Variants in GADL1 observed in about 807,000 individuals in gnomAD.
GADL1 encodes acidic amino acid decarboxylase GADL1.
GADL1 carries 71 observed loss-of-function variants against 69.5 expected under a neutral mutation model. The observed-to-expected ratio is 1.02, with a 90% CI of 0.84 to 1.25. The LOEUF is 1.25. GADL1 is among the 50% of genes most tolerant of loss of function. The probability of loss-of-function intolerance (pLI) is 0.00; values close to 1 mark genes in which losing one functional copy is unlikely to be tolerated. For synonymous variants in GADL1, 254 were observed against 214.4 expected, an observed-to-expected ratio of 1.18 and a Z score of -1.62; for missense variants, 737 against 631.8, an observed-to-expected ratio of 1.17 and a Z score of -1.79.
At chr3:30,828,488 T>A (rs202177703) in intron 11 of GADL1, among the ~76,000 whole-genome samples, 1 of 86,950 alleles carries the variant, frequency 1.2e-5, no homozygotes, top group Non-Finnish European at 2.6e-5. Context: ...GTGGGGGGGG[T>A]GCGGGGGAGG....
chr3:30,857,218 A>C, intron 2 of GADL1, 77 bp from the exon 3 acceptor site: 1 of 1,257,090 alleles, frequency 8.0e-7, no homozygotes, highest in Non-Finnish European at 1.1e-6. Context: ...CGTGGACTCT[A>C]CCATTACAAA....
rs1230994263 is a variant in GADL1, at chr3:30,869,996, C to T, written c.38-8231G>A. 4.6e-5 allele frequency among the ~76,000 whole-genome samples: 7 copies of T among 151,896 alleles called. No homozygotes were observed. In the South Asian group the frequency reaches 1.2e-3, roughly 27 times the overall value. On this transcript the variant is annotated intron_variant, in intron 1 of 14. Transcript: ENST00000282538. ...TTCTCAATGTGAGAAGCAGGAAGTC[C>T]TTCTGGATGAGGTGGCATTTGAGAC...
chr3:30,869,510 C>A, intron 1 of GADL1, among the ~76,000 whole-genome samples: 1 of 151,776 alleles, frequency 6.6e-6, no homozygotes, highest in East Asian at 1.9e-4. Flanking sequence ...TTGATAGAAT[C>A]ATAAAGAAGG....
intron 5 of GADL1, 37 bp from the exon 6 acceptor site, chr3:30,850,148 T>A (rs1192653022): frequency 1.7e-6 from 2 of 1,155,052 alleles, no homozygotes; most frequent in Non-Finnish European, 2.6e-6. Flanking sequence ...ATTTATAGCA[T>A]GAAGTTATAG....
chr3:30,796,414 A>G (rs1042002793), intron 12 of GADL1, among the ~76,000 whole-genome samples: 8 of 152,182 alleles, frequency 5.3e-5, no homozygotes, highest in African/African-American at 1.9e-4. Flanking sequence ...ACATTCTATA[A>G]GAAGAATTGA....
In GADL1 at chr3:30,796,707, C is replaced by T. The variant is rs553018202; in HGVS notation, c.1250+4182G>A. 3.8e-4 allele frequency among the ~76,000 whole-genome samples: 58 copies of T among 152,266 alleles called. 1 individual carries two copies. Among genetic ancestry groups the T allele is most frequent in the African/African-American group, 1.4e-3 (58 of 41,536 alleles). On this transcript the variant is annotated intron_variant, in intron 12 of 14. Transcript: ENST00000282538. Reference sequence around the variant, plus strand: ...AAAGATGCAGAGAGACTGAGGACTGCTGATACTGTTGAAGCACCTAGACCA... The same window carrying T: ...AAAGATGCAGAGAGACTGAGGACTGTTGATACTGTTGAAGCACCTAGACCA...
chr3:30,760,425 C>T (rs1172906596), intron 14 of GADL1, among the ~76,000 whole-genome samples: 1 of 152,074 alleles, frequency 6.6e-6, no homozygotes, highest in Non-Finnish European at 1.5e-5. Context: ...TCTGTCCAAC[C>T]CTGAACTTGT....
intron 14 of GADL1, among the ~76,000 whole-genome samples, chr3:30,743,843 T>G (rs2125474217): frequency 6.6e-6 from 1 of 152,306 alleles, no homozygotes; most frequent in South Asian, 2.1e-4. Context: ...CATTGCTAAG[T>G]GACCACTTCT....
chr3:30,872,154 A>C (rs1324593038), intron 1 of GADL1, among the ~76,000 whole-genome samples: 1 of 151,940 alleles, frequency 6.6e-6, no homozygotes, highest in African/African-American at 2.4e-5. Context: ...GCTTGAAAAC[A>C]CTTATGCAAT....
At chr3:30,888,603 G>A (rs1277040750) in intron 1 of GADL1, among the ~76,000 whole-genome samples, 1 of 152,140 alleles carries the variant, frequency 6.6e-6, no homozygotes, top group Non-Finnish European at 1.5e-5. Flanking sequence ...CGCAATAGGG[G>A]TACTGCCTTC....
At chr3:30,816,988 C>T (rs1503094) in intron 11 of GADL1, among the ~76,000 whole-genome samples, 12,692 of 152,128 alleles carry the variant, frequency 0.083, 1,316 homozygotes, top group African/African-American at 0.24. Context: ...GCTCAGCATA[C>T]CCTCTAAAAA....
chr3:30,747,998 A>C (rs1695733331), intron 14 of GADL1, among the ~76,000 whole-genome samples: 1 of 152,226 alleles, frequency 6.6e-6, no homozygotes, highest in African/African-American at 2.4e-5. Flanking sequence ...TTAACCCCCC[A>C]AATATTTACA....
intron 11 of GADL1, among the ~76,000 whole-genome samples, chr3:30,802,354 T>C (rs1697180930): frequency 6.6e-6 from 1 of 152,204 alleles, no homozygotes. Flanking sequence ...CATTAAGCTA[T>C]CAAGACAATG....
chr3:30,815,980 G>C lies in GADL1; in HGVS notation c.1051-14892C>G, dbSNP rs181741590. Among the ~76,000 whole-genome samples, 38 of 152,254 alleles carry C rather than the reference G, an allele frequency of 2.5e-4. No homozygotes were observed. In the East Asian group the frequency reaches 5.8e-3, roughly 23 times the overall value. On this transcript the variant is annotated intron_variant, in intron 11 of 14. Coordinates refer to ENST00000282538, the MANE Select transcript of GADL1 (RefSeq NM_207359.3). ...CTTTCTGTATTCAGGTTCCTCGTCT[G>C]TACAGTGGGAAGGGGGAATAGTCCC...
intron 1 of GADL1, among the ~76,000 whole-genome samples, chr3:30,866,563 C>G (rs1327190831): frequency 6.6e-6 from 1 of 152,012 alleles, no homozygotes; most frequent in African/African-American, 2.4e-5. Context: ...ATCAAATGAC[C>G]AGGGTAATAA....
At position 30,728,341 on chromosome 3, in the gene GADL1, CT is replaced by C; in HGVS notation, c.1466del (p.Lys489ArgfsTer9). 1 of 1,613,928 alleles carries C rather than the reference CT, an allele frequency of 6.2e-7. No individual in the cohort carries two copies. The highest frequency in any genetic ancestry group is 8.5e-7 in the Non-Finnish European group (1 of 1,179,860). On this transcript the variant is annotated frameshift_variant, in exon 15 of 15. Coordinates refer to ENST00000282538, the MANE Select transcript of GADL1 (RefSeq NM_207359.3). LOFTEE classifies it high-confidence loss of function. ...LMLGYQPHRG[K>X]VNFFRQVVIS... Reference sequence around the variant, plus strand: ...TCACCACCTGGCGGAAGAAGTTGACCTTTCCCCGGTGCGGCTGGTAGCCCAG... The same window carrying C: ...TCACCACCTGGCGGAAGAAGTTGACCTTCCCCGGTGCGGCTGGTAGCCCAG...
intron 8 of GADL1, 63 bp downstream of exon 8, chr3:30,844,147 A>G (rs1339297326): frequency 1.6e-6 from 2 of 1,259,142 alleles, no homozygotes; most frequent in East Asian, 2.4e-5. Flanking sequence ...TCTCTTTCAT[A>G]AGCGCGCGGG....
chr3:30,857,377 G>A (rs372766653), intron 2 of GADL1, among the ~76,000 whole-genome samples: 55 of 152,012 alleles, frequency 3.6e-4, no homozygotes, highest in African/African-American at 1.3e-3. Context: ...TGATATCTAA[G>A]TTGTTACATA....
chr3:30,753,143 ATCT>A (rs1181193171), intron 14 of GADL1, among the ~76,000 whole-genome samples: 1 of 152,144 alleles, frequency 6.6e-6, no homozygotes, highest in African/African-American at 2.4e-5. Context: ...TCTGATTTCA[ATCT>A]TCTAAGTAAC....
Sources: allele counts gnomAD v4.1 joint callset (sites outside exome capture counted in the v4.1 genomes callset), GRCh38; gene constraint gnomAD v4.1.1; transcripts MANE v1.5; gene names NCBI Gene and HGNC (gene_info 2026-07-23, HGNC 2026-07-21).